PRKG1: variants seen among roughly 807,000 people sequenced by gnomAD.
PRKG1 encodes protein kinase cGMP-dependent 1.
Under a neutral mutation model 88.1 loss-of-function variants are expected in PRKG1, and 35 were observed. The observed-to-expected ratio is 0.40, with a 90% CI of 0.30 to 0.53. PRKG1 has a LOEUF of 0.53. Among genes scored for constraint, PRKG1 ranks in the 20% least tolerant of loss-of-function variants. The pLI, the probability that PRKG1 is intolerant of heterozygous loss-of-function variation, is 0.59. For missense variants in PRKG1, 540 were observed against 839.8 expected, an observed-to-expected ratio of 0.64 and a Z score of 4.41; for synonymous variants, 303 against 292.5, an observed-to-expected ratio of 1.04 and a Z score of -0.37.
intron 2 of PRKG1, among the ~76,000 whole-genome samples, chr10:51,248,335 A>AGT (rs1282543631): frequency 4.0e-5 from 6 of 151,856 alleles, no homozygotes; most frequent in Non-Finnish European, 8.8e-5. Context: ...TCTTGTTTCA[A>AGT]GTGCATATCA....
intron 2 of PRKG1, among the ~76,000 whole-genome samples, chr10:51,317,654 A>G (rs1841356906): frequency 6.6e-6 from 1 of 152,218 alleles, no homozygotes; most frequent in Non-Finnish European, 1.5e-5. Context: ...AAGGACAAGG[A>G]AGATGAATAA....
intron 9 of PRKG1, among the ~76,000 whole-genome samples, chr10:52,184,124 G>A (rs375533530): frequency 7.2e-5 from 11 of 152,086 alleles, no homozygotes; most frequent in African/African-American, 2.2e-4. Context: ...TGTCCCCTTC[G>A]TCAATCTATA....
At chr10:51,869,732 TC>T (rs1841109589) in intron 4 of PRKG1, among the ~76,000 whole-genome samples, 1 of 152,184 alleles carries the variant, frequency 6.6e-6, no homozygotes, top group Non-Finnish European at 1.5e-5. Context: ...TTTTATAGAT[TC>T]AATAAAGATA....
rs371119474 is a variant in PRKG1, at chr10:52,233,507, G to A, written c.1077-18063G>A. 6.8e-4 allele frequency among the ~76,000 whole-genome samples: 101 copies of A among 149,078 alleles called. 1 individual carries two copies. The East Asian group carries it at 9.0e-3, about 13-fold the overall frequency. ...CGAGGCATTGCCTCACCTGGGAAGC[G>A]CAAGGGGTCAGGGAGTTCCCTTTCC... is the stretch of plus-strand genomic sequence containing the variant. On this transcript the variant is annotated intron_variant, in intron 9 of 17. Transcript: ENST00000373980.
intron 9 of PRKG1, among the ~76,000 whole-genome samples, chr10:52,163,813 T>G (rs942898395): frequency 3.3e-5 from 5 of 152,130 alleles, no homozygotes; most frequent in Non-Finnish European, 5.9e-5. Flanking sequence ...AATTCAGATA[T>G]TCAGACAATT....
chr10:51,481,902 C>A (rs1840371321), intron 3 of PRKG1, among the ~76,000 whole-genome samples: 1 of 152,062 alleles, frequency 6.6e-6, no homozygotes, highest in Admixed American at 6.6e-5. Context: ...AACTTGCCAG[C>A]ATTTAAAGGC....
chr10:51,053,707 G>T lies in PRKG1; in HGVS notation c.266+62063G>T, dbSNP rs140588911. ...GAGCAATTTATCGAAAAGATTAAAC[G>T]TAAGTAGTTTAAGCTTCATAATTGC... is the stretch of plus-strand genomic sequence containing the variant. On this transcript the variant is annotated intron_variant, in intron 1 of 17. Coordinates refer to the PRKG1 transcript ENST00000401604. Among the ~76,000 whole-genome samples the T allele has an allele frequency of 1.5e-3, 230 of 151,768 alleles. 1 individual carries two copies. Among genetic ancestry groups the T allele is most frequent in the Non-Finnish European group, 1.1e-3 (77 of 67,960 alleles).
At chr10:51,849,341 G>T (rs1203264100) in intron 4 of PRKG1, among the ~76,000 whole-genome samples, 1 of 152,162 alleles carries the variant, frequency 6.6e-6, no homozygotes, top group Non-Finnish European at 1.5e-5. Flanking sequence ...AGAATGGTCA[G>T]CCATAAAACG....
chr10:52,206,835 G>C (rs573929276), intron 9 of PRKG1, among the ~76,000 whole-genome samples: 1 of 152,168 alleles, frequency 6.6e-6, no homozygotes, highest in Non-Finnish European at 1.5e-5. Flanking sequence ...ACACTGATGG[G>C]GGTTGCCAAC....
At chr10:51,090,283 C>G (rs1844367255) in intron 1 of PRKG1, among the ~76,000 whole-genome samples, 1 of 152,030 alleles carries the variant, frequency 6.6e-6, no homozygotes, top group African/African-American at 2.4e-5. Flanking sequence ...CATGTCTAAA[C>G]CAAATGGAAG....
chr10:52,221,131 C>A (rs975409416), intron 9 of PRKG1, among the ~76,000 whole-genome samples: 6 of 151,984 alleles, frequency 3.9e-5, no homozygotes, highest in Admixed American at 6.6e-5. Context: ...TTATGATTTG[C>A]ATTTCTCTAA....
At chr10:51,302,312 G>A (rs1374449734) in intron 2 of PRKG1, among the ~76,000 whole-genome samples, 4 of 152,108 alleles carry the variant, frequency 2.6e-5, no homozygotes, top group Non-Finnish European at 5.9e-5. Context: ...ACGTGATAAT[G>A]TAGAAACAGA....
chr10:52,206,197 C>G (rs891132357), intron 9 of PRKG1, among the ~76,000 whole-genome samples: 1 of 152,136 alleles, frequency 6.6e-6, no homozygotes, highest in Non-Finnish European at 1.5e-5. Context: ...TTGGTCTATT[C>G]TGCTGTTAAT....
chr10:52,027,155 A>G (rs1448270366), intron 5 of PRKG1, among the ~76,000 whole-genome samples: 1 of 152,156 alleles, frequency 6.6e-6, no homozygotes, highest in African/African-American at 2.4e-5. Flanking sequence ...CGTTTTTCCC[A>G]TTGGCTGGCT....
intron 3 of PRKG1, chr10:51,699,415 GA>G: frequency 6.2e-7 from 1 of 1,613,998 alleles, no homozygotes; most frequent in Non-Finnish European, 8.5e-7. Flanking sequence ...ATACCAGCCG[GA>G]AACTGACAAC....
chr10:51,545,418 T>C (rs537253727), intron 3 of PRKG1, among the ~76,000 whole-genome samples: 1 of 152,184 alleles, frequency 6.6e-6, no homozygotes, highest in Non-Finnish European at 1.5e-5. Context: ...GTGAGTGCTC[T>C]TCACTGCTTT....
intron 3 of PRKG1, among the ~76,000 whole-genome samples, chr10:51,762,338 G>A (rs1261718762): frequency 2.0e-5 from 3 of 152,158 alleles, no homozygotes; most frequent in Non-Finnish European, 4.4e-5. Context: ...TACAAGGGAA[G>A]TATTATTACC....
intron 2 of PRKG1, among the ~76,000 whole-genome samples, chr10:51,172,860 G>T (rs1006800283): frequency 5.3e-5 from 8 of 152,008 alleles, no homozygotes; most frequent in Admixed American, 5.2e-4. Context: ...TGAAGACATG[G>T]ATATTAAGGA....
chr10:51,887,294 C>CT lies in PRKG1; in HGVS notation c.699-20206dup, dbSNP rs745961447. ...GCCACAGCACCTGGCCCACGTTTTT[C>CT]TTTTTTTAAATTATTTCATCTATAA... On this transcript the variant is annotated intron_variant, in intron 4 of 17. Coordinates refer to ENST00000373980, the MANE Select transcript of PRKG1 (RefSeq NM_006258.4). 1.5e-3 allele frequency among the ~76,000 whole-genome samples: 211 copies of CT among 141,878 alleles called. 2 individuals are homozygous for CT. Among genetic ancestry groups the CT allele is most frequent in the Non-Finnish European group, 2.5e-3 (164 of 64,864 alleles). 93.1% of individuals were successfully genotyped at this position (141,878 alleles called of 152,430 possible). A position where few individuals can be genotyped will look rare whatever the true frequency, so the allele number is the denominator to read the frequency against.
Sources: gnomAD v4.1 joint callset for allele counts (sites outside exome capture counted in the v4.1 genomes callset) on GRCh38, gnomAD v4.1.1 for gene constraint, MANE v1.5 for transcripts, NCBI Gene and HGNC (gene_info 2026-07-23, HGNC 2026-07-21) for gene names.